Variants in ZNF331 observed in about 807,000 individuals in gnomAD.
ZNF331 encodes the protein C2H2-like zinc finger protein rearranged in thyroid adenomas.
A neutral mutation model predicts 7.0 loss-of-function variants in ZNF331; 2 were observed. The observed-to-expected ratio is 0.29, with a 90% CI of 0.12 to 0.90. ZNF331 has a LOEUF of 0.90. ZNF331 is among the 40% of genes least tolerant of loss of function. The probability of loss-of-function intolerance (pLI) is 0.58; values close to 1 mark genes in which losing one functional copy is unlikely to be tolerated. For missense variants in ZNF331, 432 were observed against 587.7 expected (o/e 0.74, Z 2.74); for synonymous variants, 196 against 205.4 (o/e 0.95, Z 0.39).
upstream of ZNF331, among the ~76,000 whole-genome samples, chr19:53,536,817 C>G (rs1203452119): frequency 6.6e-6 from 1 of 152,150 alleles, no homozygotes; most frequent in African/African-American, 2.4e-5. Context: ...GCAGGAGAAC[C>G]CCTTGAACCC....
chr19:53,563,354 G>A (rs990213105), intron 3 of ZNF331, among the ~76,000 whole-genome samples: 7 of 152,054 alleles, frequency 4.6e-5, no homozygotes, highest in African/African-American at 1.7e-4. Context: ...CCAAAGTACT[G>A]GGATTACAGG....
intron 2 of ZNF331, among the ~76,000 whole-genome samples, chr19:53,523,872 G>C (rs2569571): frequency 6.6e-6 from 1 of 151,716 alleles, no homozygotes; most frequent in East Asian, 1.9e-4. Context: ...CCATCAACTC[G>C]TCATTTGCAT....
upstream of ZNF331, among the ~76,000 whole-genome samples, chr19:53,535,381 T>A (rs943450005): frequency 3.3e-5 from 5 of 152,182 alleles, no homozygotes; most frequent in African/African-American, 1.2e-4. Flanking sequence ...TGTAAGCCAC[T>A]GTCCGGCCGT....
chr19:53,550,554 T>TTTTTTA (rs2088924334), intron 2 of ZNF331, among the ~76,000 whole-genome samples: 1 of 138,758 alleles, frequency 7.2e-6, no homozygotes, highest in African/African-American at 2.9e-5. Context: ...TTTTTTTTTT[T>TTTTTTA]GAGTTAGAGT....
chr19:53,524,061 G>T (rs2087196140), intron 2 of ZNF331, among the ~76,000 whole-genome samples: 1 of 152,146 alleles, frequency 6.6e-6, no homozygotes, highest in Non-Finnish European at 1.5e-5. Context: ...ATGGTTTCCA[G>T]CTTCTTCCAT....
rs1600528999 is a variant in ZNF331, at chr19:53,578,434, T to C, written c.*482T>C. On this transcript the variant is annotated 3_prime_UTR_variant, in exon 6 of 6. Coordinates refer to ENST00000449416, the MANE Select transcript of ZNF331 (RefSeq NM_001079906.2). The stretch of plus-strand genomic sequence containing the variant: ...TATACTGAGGTTGCTAAGATCTACA[T>C]GACAATAAGATATTTTGGGAGAGAG... 2 of 230,696 alleles carry C rather than the reference T, an allele frequency of 8.7e-6. No homozygotes were observed. The highest frequency in any genetic ancestry group is 5.4e-5 in the Admixed American group (1 of 18,476). The allele number at this position is 230,696 out of a possible 1,614,324, so 14.3% of individuals were successfully genotyped here.
chr19:53,578,117 C>T lies in ZNF331; in HGVS notation c.*165C>T, dbSNP rs891569735. The T allele has an allele frequency of 5.8e-5, 55 of 950,218 alleles. No homozygotes were observed. In the African/African-American group the frequency reaches 6.8e-4, roughly 12 times the overall value. The allele number at this position is 950,218 out of a possible 1,614,324, so 58.9% of individuals were successfully genotyped here. A position where few individuals can be genotyped will look rare whatever the true frequency, so the allele number is the denominator to read the frequency against. On this transcript the variant is annotated 3_prime_UTR_variant, in exon 6 of 6. Coordinates refer to ENST00000449416, the MANE Select transcript of ZNF331 (RefSeq NM_001079906.2). ...TTCTGAGTAGCGTGATGAAATCTCT[C>T]GCTGTCCGGCTCCAGCCGGCCGGGG...
intron 2 of ZNF331, among the ~76,000 whole-genome samples, chr19:53,545,297 G>A (rs1309192383): frequency 2.0e-5 from 3 of 152,124 alleles, no homozygotes; most frequent in Non-Finnish European, 2.9e-5. Flanking sequence ...TTAAGGGCCC[G>A]CACTATGCCA....
At chr19:53,538,442 C>A (rs1375226595) in intron 1 of ZNF331, 146 bp downstream of exon 1, 1 of 152,326 alleles carries the variant, frequency 6.6e-6, no homozygotes, top group Non-Finnish European at 1.5e-5. Flanking sequence ...GTCAACGCAG[C>A]CCGTGCCTGT....
intron 2 of ZNF331, among the ~76,000 whole-genome samples, chr19:53,526,067 C>G (rs1044559813): frequency 6.6e-6 from 1 of 152,148 alleles, no homozygotes. Flanking sequence ...TGTTAATGTG[C>G]TATATCAGAT....
chr19:53,551,883 A>G (rs1395765892), intron 2 of ZNF331, among the ~76,000 whole-genome samples: 1 of 152,144 alleles, frequency 6.6e-6, no homozygotes, highest in Non-Finnish European at 1.5e-5. Flanking sequence ...GAGGATTTTG[A>G]TATTCAGGGG....
At chr19:53,543,894 C>T (rs916214410) in intron 2 of ZNF331, among the ~76,000 whole-genome samples, 1 of 152,166 alleles carries the variant, frequency 6.6e-6, no homozygotes, top group Non-Finnish European at 1.5e-5. Context: ...AAATTATATA[C>T]ACCTTTTTAA....
At chr19:53,547,400 T>TTAGA (rs1483900790) in intron 2 of ZNF331, among the ~76,000 whole-genome samples, 7 of 152,236 alleles carry the variant, frequency 4.6e-5, no homozygotes, top group Admixed American at 2.0e-4. Context: ...TTGCATTGTG[T>TTAGA]TATCTCTACC....
At chr19:53,554,181 G>T (rs1237628610) in intron 2 of ZNF331, among the ~76,000 whole-genome samples, 1 of 152,180 alleles carries the variant, frequency 6.6e-6, no homozygotes, top group Non-Finnish European at 1.5e-5. Context: ...ATGGGGGTAG[G>T]GGGACCGCCG....
At chr19:53,538,107 C>G (rs2087859306), upstream of ZNF331, 3 of 151,586 alleles carry the variant, frequency 2.0e-5, no homozygotes, top group Admixed American at 2.0e-4. Context: ...TGCGCATGCG[C>G]GCTGGCCTCC....
In ZNF331 at chr19:53,560,560, C is replaced by T. The variant is rs56160753; in HGVS notation, c.-74+4652C>T. Among the ~76,000 whole-genome samples the T allele has an allele frequency of 0.1, 15,380 of 152,118 alleles. 1,106 individuals carry two copies. Among genetic ancestry groups the T allele is most frequent in the African/African-American group, 0.21 (8,539 of 41,460 alleles). On this transcript the variant is annotated intron_variant, in intron 3 of 5. Transcript: ENST00000449416. The surrounding 1 kb of genome is among the most constrained non-coding windows in gnomAD (Gnocchi z 4.3). ...TTAACAAATTACTGTAGATTATTGG[C>T]GTCATACAACACAAATGTATTATCT...
chr19:53,541,889 T>C (rs1046252106), intron 2 of ZNF331, among the ~76,000 whole-genome samples: 3 of 151,982 alleles, frequency 2.0e-5, no homozygotes, highest in African/African-American at 4.8e-5. Flanking sequence ...GATGCATACC[T>C]ATAGTTTCAG....
intron 3 of ZNF331, among the ~76,000 whole-genome samples, chr19:53,557,189 C>T (rs1296617685): frequency 6.6e-6 from 1 of 151,976 alleles, no homozygotes; most frequent in Non-Finnish European, 1.5e-5. Flanking sequence ...AACTCCTGAG[C>T]TCAAGCAATC....
chr19:53,515,088 A>G (rs2086871627), upstream of ZNF331, among the ~76,000 whole-genome samples: 1 of 152,134 alleles, frequency 6.6e-6, no homozygotes, highest in African/African-American at 2.4e-5. Context: ...AAACTTCTTC[A>G]CTGAACAGTT....
Sources: allele counts gnomAD v4.1 joint callset (sites outside exome capture counted in the v4.1 genomes callset), GRCh38; gene constraint gnomAD v4.1.1; non-coding constraint Gnocchi (gnomAD v3.1); transcripts MANE v1.5; gene names NCBI Gene and HGNC (gene_info 2026-07-23, HGNC 2026-07-21).